The following CCDC178 variants were observed in gnomAD, a reference collection of about 807,000 sequenced individuals.
CCDC178 encodes the protein coiled-coil domain-containing protein 178.
CCDC178 carries 126 observed loss-of-function variants against 117.4 expected under a neutral mutation model. The ratio of observed to expected loss-of-function variants is 1.07; its 90% CI spans 0.93 to 1.24. The LOEUF is 1.24. Among genes scored for constraint, CCDC178 ranks in the 50% most tolerant of loss-of-function variants. The pLI, the probability that CCDC178 is intolerant of heterozygous loss-of-function variation, is 0.00. For missense variants in CCDC178, 1,030 were observed against 986.9 expected (o/e 1.04, Z -0.59); for synonymous variants, 283 against 313.4 (o/e 0.90, Z 1.02).
intron 2 of CCDC178, among the ~76,000 whole-genome samples, chr18:33,436,617 T>C (rs1021600622): frequency 2.0e-5 from 3 of 152,198 alleles, no homozygotes; most frequent in African/African-American, 4.8e-5. Context: ...TAACTAAAGA[T>C]AAATGATGTT....
intron 11 of CCDC178, among the ~76,000 whole-genome samples, chr18:33,315,297 G>C (rs1248194207): frequency 6.6e-6 from 1 of 152,124 alleles, no homozygotes; most frequent in African/African-American, 2.4e-5. Flanking sequence ...TCTTTCTGTT[G>C]TGCTTGGGTA....
intron 22 of CCDC178, among the ~76,000 whole-genome samples, chr18:32,945,427 T>C (rs1280863980): frequency 6.6e-6 from 1 of 152,228 alleles, no homozygotes; most frequent in East Asian, 1.9e-4. Context: ...TACAAAACAA[T>C]TTAGCATTGC....
At chr18:32,978,241 T>C (rs1598748557) in intron 21 of CCDC178, among the ~76,000 whole-genome samples, 1 of 88,406 alleles carries the variant, frequency 1.1e-5, no homozygotes, top group Non-Finnish European at 2.2e-5. Context: ...GGGAAATCAA[T>C]AGCTAATAGG....
At chr18:33,077,339 C>T (rs2057227452) in intron 21 of CCDC178, among the ~76,000 whole-genome samples, 1 of 151,950 alleles carries the variant, frequency 6.6e-6, no homozygotes, top group South Asian at 2.1e-4. Flanking sequence ...CCCTTTTATC[C>T]CAATTGCATA....
At chr18:33,121,945 C>A (rs2057942314) in intron 20 of CCDC178, among the ~76,000 whole-genome samples, 1 of 152,084 alleles carries the variant, frequency 6.6e-6, no homozygotes, top group Admixed American at 6.6e-5. Flanking sequence ...CTACAGTATT[C>A]ATTACAGTAA....
At chr18:33,378,099 T>C (rs1044673433) in intron 5 of CCDC178, among the ~76,000 whole-genome samples, 24 of 152,230 alleles carry the variant, frequency 1.6e-4, no homozygotes, top group African/African-American at 5.8e-4. Context: ...TTTCCATTTG[T>C]CTGTGTCATC....
chr18:33,268,836 A>G (rs1043891354), intron 12 of CCDC178, among the ~76,000 whole-genome samples: 1 of 151,820 alleles, frequency 6.6e-6, no homozygotes, highest in African/African-American at 2.4e-5. Flanking sequence ...CAGCCTTGTC[A>G]ACATTCGAAA....
At chr18:33,323,666 AC>A (rs2062547432) in intron 10 of CCDC178, 33 bp from the exon 11 acceptor site, 1 of 1,305,158 alleles carries the variant, frequency 7.7e-7, no homozygotes, top group African/African-American at 1.5e-5. Flanking sequence ...TTATATTTGC[AC>A]TTAATGGTTA....
At chr18:33,212,848 G>T (rs960263863) in intron 19 of CCDC178, among the ~76,000 whole-genome samples, 1 of 151,910 alleles carries the variant, frequency 6.6e-6, no homozygotes, top group Non-Finnish European at 1.5e-5. Context: ...TCAAAACATG[G>T]TTAAAACAAT....
intron 20 of CCDC178, among the ~76,000 whole-genome samples, chr18:33,108,867 T>G (rs142907538): frequency 2.0e-4 from 31 of 151,784 alleles, no homozygotes; most frequent in African/African-American, 7.5e-4. Flanking sequence ...AATAAAACTT[T>G]AGTTAGAAAT....
chr18:33,175,787 T>C (rs2058657956), intron 20 of CCDC178, among the ~76,000 whole-genome samples: 1 of 152,178 alleles, frequency 6.6e-6, no homozygotes, highest in South Asian at 2.1e-4. Context: ...CTGTCTCTGC[T>C]GGTCTCTACC....
At chr18:33,016,434 A>G (rs1196508924) in intron 21 of CCDC178, among the ~76,000 whole-genome samples, 1 of 151,364 alleles carries the variant, frequency 6.6e-6, no homozygotes, top group African/African-American at 2.4e-5. Context: ...AATCCACATT[A>G]TGAAAAAAAA....
At chr18:33,067,704 G>A (rs528715545) in intron 21 of CCDC178, among the ~76,000 whole-genome samples, 36 of 152,002 alleles carry the variant, frequency 2.4e-4, no homozygotes, top group Non-Finnish European at 4.6e-4. Context: ...TTAGCCCGGC[G>A]TGGTGGGGCA....
At chr18:33,147,240 C>T (rs956559488) in intron 20 of CCDC178, among the ~76,000 whole-genome samples, 4 of 149,662 alleles carry the variant, frequency 2.7e-5, no homozygotes, top group Non-Finnish European at 1.5e-5. Flanking sequence ...AGGGCCCAGT[C>T]TCTCTGCTTC....
At chr18:33,065,371 A>G (rs989604141) in intron 21 of CCDC178, among the ~76,000 whole-genome samples, 5 of 152,208 alleles carry the variant, frequency 3.3e-5, no homozygotes, top group African/African-American at 1.2e-4. Flanking sequence ...GTACAATTAC[A>G]ATGTGTCAGT....
At chr18:33,106,186 C>T (rs1336705981) in intron 20 of CCDC178, among the ~76,000 whole-genome samples, 1 of 151,560 alleles carries the variant, frequency 6.6e-6, no homozygotes, top group Non-Finnish European at 1.5e-5. Context: ...CAGGATTCCT[C>T]CTTTCTTTGT....
intron 12 of CCDC178, among the ~76,000 whole-genome samples, chr18:33,286,888 T>C (rs971115829): frequency 3.3e-5 from 5 of 152,198 alleles, no homozygotes; most frequent in Non-Finnish European, 7.4e-5. Flanking sequence ...CATCATAAAA[T>C]TATTTTCTTA....
intron 20 of CCDC178, among the ~76,000 whole-genome samples, chr18:33,203,169 T>C (rs1035487237): frequency 6.6e-6 from 1 of 152,206 alleles, no homozygotes; most frequent in African/African-American, 2.4e-5. Flanking sequence ...TATTTATCAA[T>C]TTAATATACA....
intron 14 of CCDC178, among the ~76,000 whole-genome samples, chr18:33,253,179 G>A (rs9962587): frequency 3.6e-4 from 55 of 151,816 alleles, no homozygotes; most frequent in African/African-American, 1.3e-3. Context: ...TATCATCATC[G>A]TTGTCACAAA....
Sources: allele counts gnomAD v4.1 joint callset (sites outside exome capture counted in the v4.1 genomes callset), GRCh38; gene constraint gnomAD v4.1.1; transcripts MANE v1.5; gene names NCBI Gene and HGNC (gene_info 2026-07-23, HGNC 2026-07-21).